ZC3H3: variants seen among roughly 807,000 people sequenced by gnomAD.
ZC3H3 encodes the protein zinc finger CCCH domain-containing protein 3.
ZC3H3 carries 36 observed loss-of-function variants against 77.3 expected under a neutral mutation model. That is an observed-to-expected ratio of 0.47 (90% CI 0.36 to 0.61). The LOEUF (loss-of-function observed/expected upper bound fraction) is 0.61. ZC3H3 is among the 20% of genes least tolerant of loss of function. The pLI, the probability that ZC3H3 is intolerant of heterozygous loss-of-function variation, is 0.00. For missense variants in ZC3H3, 1,331 were observed against 1,312.2 expected (o/e 1.01, Z -0.22); for synonymous variants, 626 against 555.2 (o/e 1.13, Z -1.79).
intron 4 of ZC3H3, among the ~76,000 whole-genome samples, chr8:143,504,459 G>C (rs1290868489): frequency 1.3e-5 from 2 of 152,170 alleles, no homozygotes. Flanking sequence ...CCTTGGGCAG[G>C]GCCCAGTCCC....
chr8:143,470,479 G>A (rs1820533625), intron 5 of ZC3H3, among the ~76,000 whole-genome samples: 1 of 152,224 alleles, frequency 6.6e-6, no homozygotes, highest in Non-Finnish European at 1.5e-5. Flanking sequence ...TCCCCGGGTG[G>A]GCAGCAGGGC....
intron 4 of ZC3H3, among the ~76,000 whole-genome samples, chr8:143,492,812 G>C (rs424042): frequency 2.8e-4 from 27 of 95,728 alleles, no homozygotes; most frequent in African/African-American, 8.6e-4. Context: ...CCTCCTCAGG[G>C]TCCCGTGTCC....
rs1348945678 is a variant in ZC3H3, at chr8:143,507,869, G to A, written c.1592C>T (p.Pro531Leu). ...ASSLHAVRTA[P>L]TSKVIKTRYR... is the part of the protein sequence containing the mutation. ...GCGGGTCTTGATCACCTTGCTGGTG[G>A]GTGCAGTCCGCACGGCATGCAGGCT... Residue 531 changes from proline to leucine, a missense_variant, in exon 4 of 12, where the codon CCC (proline) becomes CTC (leucine). Physicochemically the swap from Pro to Leu is moderately conservative, Grantham distance 98 (BLOSUM62 -3). This residue lies in a region of ZC3H3 where 978 missense variants were observed against 915.5 expected (regional missense o/e 1.07). Coordinates refer to ENST00000262577, the MANE Select transcript of ZC3H3 (RefSeq NM_015117.3). 4 of 1,607,526 alleles carry A rather than the reference G, an allele frequency of 2.5e-6. No homozygotes were observed. In the Admixed American group the frequency reaches 6.7e-5, roughly 27 times the overall value.
In ZC3H3 at chr8:143,530,662, G is replaced by A. The variant is rs1371887046; in HGVS notation, c.1561+5595C>T. Among the ~76,000 whole-genome samples the A allele has an allele frequency of 1.3e-5, 2 of 152,174 alleles. No individual in the cohort carries two copies. The highest frequency in any genetic ancestry group is 2.9e-5 in the Non-Finnish European group (2 of 68,028). ...TGGCCGAGCACAGCGACGGGCCCCA[G>A]GAGGATGTACCACGAAGCTGGCCCC... On this transcript the variant is annotated intron_variant, in intron 3 of 11. Transcript: ENST00000262577. The surrounding 1 kb of genome is among the most constrained non-coding windows in gnomAD (Gnocchi z 4.3).
rs544281981 is a variant in ZC3H3, at chr8:143,440,152, A to G, written c.2704T>C (p.Cys902Arg). ...SLQEAALAAA[C>R]SNRLCKLPSF... is the part of the protein sequence containing the mutation. ...GGCAGCTTGCAGAGCCTGTTGGAGC[A>G]CGCTGCTGCTAAGGCAGCCTCCTGG... Residue 902 changes from cysteine to arginine, a missense_variant, in exon 11 of 12, where the codon TGC (cysteine) becomes CGC (arginine). By Grantham distance (180) the Cys-to-Arg change is radical. Transcript: ENST00000262577. The G allele has an allele frequency of 1.2e-6, 2 of 1,612,048 alleles. No homozygotes were observed. The highest frequency in any genetic ancestry group is 2.2e-5 in the East Asian group (1 of 44,848).
At chr8:143,523,098 A>T (rs1326756670) in intron 3 of ZC3H3, among the ~76,000 whole-genome samples, 1 of 152,152 alleles carries the variant, frequency 6.6e-6, no homozygotes, top group Non-Finnish European at 1.5e-5. Flanking sequence ...CCCTGCCCAG[A>T]GGTGCCCCAG....
At position 143,465,837 on chromosome 8, in the gene ZC3H3, G is replaced by A. The variant is rs1451732524; in HGVS notation, c.2187C>T (p.Cys729=). 1.2e-6 allele frequency: 2 copies of A among 1,611,696 alleles called. No individual in the cohort carries two copies. Among genetic ancestry groups the A allele is most frequent in the Admixed American group, 1.7e-5 (1 of 60,012 alleles). Residue 729 remains cysteine (C), a synonymous_variant, in exon 9 of 12, where the codon TGC becomes TGT. Coordinates refer to ENST00000262577, the MANE Select transcript of ZC3H3 (RefSeq NM_015117.3). Reference sequence around the variant, plus strand: ...TGCAGATGCCCTTCAGGAAGTAGGAGCACACCGGCATCTGCAGGGAGGGCC... The same window carrying A: ...TGCAGATGCCCTTCAGGAAGTAGGAACACACCGGCATCTGCAGGGAGGGCC... The part of the protein sequence containing the change: ...HHVSKEKMPV[C]SYFLKGICSN...
chr8:143,441,427 C>A (rs553895006), intron 9 of ZC3H3, among the ~76,000 whole-genome samples: 1 of 152,356 alleles, frequency 6.6e-6, no homozygotes, highest in Non-Finnish European at 1.5e-5. Flanking sequence ...TGGCTCAGGG[C>A]TCTGCCCACC....
rs766489206 is a variant in ZC3H3 at position 143,468,233 on chromosome 8, G to T, written c.2151C>A (p.Phe717Leu). ...CCTTCTCCTTGGACACATGGTGGGAGAAGGGGCAGGTCCCATCCGTTTTCT... is the reference window on the plus strand; with the variant it reads ...CCTTCTCCTTGGACACATGGTGGGATAAGGGGCAGGTCCCATCCGTTTTCT... ...TCKKTDGTCP[F>L]SHHVSKEKMP... Residue 717 changes from phenylalanine to leucine, a missense_variant, in exon 8 of 12, where the codon TTC becomes TTA. By Grantham distance (22) the Phe-to-Leu change is conservative (BLOSUM62 0). Around this residue, in one of 3 missense-constraint regions of ZC3H3, gnomAD observed 104 missense variants for 159.7 expected, o/e 0.65. Coordinates refer to ENST00000262577, the MANE Select transcript of ZC3H3 (RefSeq NM_015117.3). The T allele has an allele frequency of 1.2e-6, 2 of 1,612,998 alleles. No homozygotes were observed. The highest frequency in any genetic ancestry group is 1.7e-6 in the Non-Finnish European group (2 of 1,179,882).
In ZC3H3 at chr8:143,441,015, G is replaced by A. The variant is rs748377387; in HGVS notation, c.2413C>T (p.Arg805Trp). 17 of 1,475,510 alleles carry A rather than the reference G, an allele frequency of 1.2e-5. No individual in the cohort carries two copies. Among genetic ancestry groups the A allele is most frequent in the Non-Finnish European group, 1.1e-5 (12 of 1,120,420 alleles). The allele number at this position is 1,475,510 out of a possible 1,614,324, so 91.4% of individuals were successfully genotyped here. A position where few individuals can be genotyped will look rare whatever the true frequency, so the allele number is the denominator to read the frequency against. Residue 805 changes from arginine (R) to tryptophan (W), a missense_variant, in exon 10 of 12, where the codon CGG becomes TGG. By Grantham distance (101) the Arg-to-Trp change is moderately radical. This residue lies in a region of ZC3H3 where 249 missense variants were observed against 236.9 expected (regional missense o/e 1.05). Transcript: ENST00000262577. ...LLHRTQKRHS[R>W]RAATSPAPGP... ...GGGGCGGGGGACGTGGCTGCCCGCC[G>A]ACTGTGGCGTTTCTGGGTACGGTGG... is the stretch of plus-strand genomic sequence containing the variant.
chr8:143,470,670 C>A (rs550825674), intron 5 of ZC3H3, among the ~76,000 whole-genome samples: 2 of 152,210 alleles, frequency 1.3e-5, no homozygotes, highest in Non-Finnish European at 2.9e-5. Context: ...CTGGCAGGAC[C>A]GGGTGCAGCA....
intron 3 of ZC3H3, among the ~76,000 whole-genome samples, chr8:143,529,731 G>A (rs1034448790): frequency 6.6e-6 from 1 of 152,210 alleles, no homozygotes; most frequent in Non-Finnish European, 1.5e-5. Flanking sequence ...CAGCCTCTCA[G>A]GTCCCACCTG....
intron 9 of ZC3H3, among the ~76,000 whole-genome samples, chr8:143,459,745 A>G (rs1219306847): frequency 6.6e-6 from 1 of 151,580 alleles, no homozygotes; most frequent in African/African-American, 2.4e-5. Context: ...AAAAGGCCTG[A>G]CAAAATTCAA....
chr8:143,491,162 C>G (rs1821190852), intron 4 of ZC3H3, among the ~76,000 whole-genome samples: 1 of 152,206 alleles, frequency 6.6e-6, no homozygotes, highest in South Asian at 2.1e-4. Flanking sequence ...AGGGCCCAGG[C>G]ACAGGGGGCT....
intron 4 of ZC3H3, among the ~76,000 whole-genome samples, chr8:143,497,069 G>A (rs1436922203): frequency 3.9e-5 from 6 of 152,224 alleles, no homozygotes; most frequent in Non-Finnish European, 7.3e-5. Flanking sequence ...CTGCAAATGC[G>A]ATAAAATATC....
chr8:143,499,046 G>A (rs555756879), intron 4 of ZC3H3, among the ~76,000 whole-genome samples: 4 of 152,198 alleles, frequency 2.6e-5, no homozygotes, highest in East Asian at 1.9e-4. Context: ...AAGAAGGGGC[G>A]GAGAGCTGCC....
intron 3 of ZC3H3, among the ~76,000 whole-genome samples, chr8:143,535,837 G>C (rs1408260513): frequency 6.6e-6 from 1 of 152,258 alleles, no homozygotes; most frequent in African/African-American, 2.4e-5. Flanking sequence ...GTGACACTCA[G>C]AAAGGGCAGG....
chr8:143,472,417 G>A (rs558129882), intron 5 of ZC3H3, among the ~76,000 whole-genome samples: 2 of 152,358 alleles, frequency 1.3e-5, no homozygotes, highest in Non-Finnish European at 2.9e-5. Flanking sequence ...ATTCTGCGGA[G>A]CTCAGCACTT....
chr8:143,540,510 G>T (rs1026920905), intron 1 of ZC3H3, among the ~76,000 whole-genome samples: 7 of 152,206 alleles, frequency 4.6e-5, no homozygotes, highest in Non-Finnish European at 1.0e-4. Flanking sequence ...GATTACAGGT[G>T]TGGGCCACTG....
Sources: allele counts gnomAD v4.1 joint callset (sites outside exome capture counted in the v4.1 genomes callset), GRCh38; gene constraint gnomAD v4.1.1; regional missense constraint gnomAD v4.1.1; non-coding constraint Gnocchi (gnomAD v3.1); transcripts MANE v1.5; gene names NCBI Gene and HGNC (gene_info 2026-07-23, HGNC 2026-07-21).